Variants in MICU1 observed in about 807,000 individuals in gnomAD.
MICU1 encodes the protein mitochondrial calcium uptake 1, also known as calcium uptake protein 1, mitochondrial.
MICU1 carries 45 observed loss-of-function variants against 56.8 expected under a neutral mutation model. The ratio of observed to expected loss-of-function variants is 0.79; its 90% CI spans 0.62 to 1.02. The LOEUF (loss-of-function observed/expected upper bound fraction) is 1.02. MICU1 is among the 50% of genes least tolerant of loss of function. The pLI, the probability that MICU1 is intolerant of heterozygous loss-of-function variation, is 0.00. For missense variants in MICU1, 504 were observed against 587.1 expected (o/e 0.86, Z 1.46); for synonymous variants, 186 against 195.1 (o/e 0.95, Z 0.39).
intron 8 of MICU1, among the ~76,000 whole-genome samples, chr10:72,432,260 T>A (rs755287401): frequency 6.6e-6 from 1 of 151,914 alleles, no homozygotes; most frequent in Non-Finnish European, 1.5e-5. Context: ...TGCCCAGCTA[T>A]GTTTCTAAAA....
At chr10:72,590,281 T>C (rs1841185117) in intron 1 of MICU1, among the ~76,000 whole-genome samples, 1 of 152,004 alleles carries the variant, frequency 6.6e-6, no homozygotes, top group Non-Finnish European at 1.5e-5. Context: ...CAAATAGACT[T>C]TAAATCAAAA....
At chr10:72,562,063 G>C (rs1432011946) in intron 3 of MICU1, among the ~76,000 whole-genome samples, 1 of 150,228 alleles carries the variant, frequency 6.7e-6, no homozygotes, top group East Asian at 1.9e-4. Flanking sequence ...TCAAATACCT[G>C]ATATCATAGG....
chr10:72,421,019 T>A (rs11000294), intron 9 of MICU1, among the ~76,000 whole-genome samples: 9,668 of 117,270 alleles, frequency 0.082, 382 homozygotes, highest in East Asian at 0.14. Context: ...AAAAAAAAAA[T>A]AATAATAATA....
intron 10 of MICU1, among the ~76,000 whole-genome samples, chr10:72,396,968 C>G (rs1267760375): frequency 6.6e-6 from 1 of 152,020 alleles, no homozygotes; most frequent in Non-Finnish European, 1.5e-5. Flanking sequence ...AGAGGGACCC[C>G]AAGACACAGT....
intron 8 of MICU1, among the ~76,000 whole-genome samples, chr10:72,458,438 C>A (rs1185137658): frequency 1.3e-5 from 2 of 152,074 alleles, no homozygotes; most frequent in Non-Finnish European, 2.9e-5. Flanking sequence ...TCAATATAAT[C>A]CAGCACAATG....
At chr10:72,513,697 T>C (rs1232999619) in intron 5 of MICU1, among the ~76,000 whole-genome samples, 1 of 152,180 alleles carries the variant, frequency 6.6e-6, no homozygotes, top group African/African-American at 2.4e-5. Context: ...TTTAGGTTAT[T>C]GATCCATTTT....
At chr10:72,502,066 C>A (rs1867085885) in intron 6 of MICU1, among the ~76,000 whole-genome samples, 1 of 151,930 alleles carries the variant, frequency 6.6e-6, no homozygotes. Flanking sequence ...AAGTTTCAAT[C>A]CATTAGAGCA....
intron 1 of MICU1, among the ~76,000 whole-genome samples, chr10:72,572,176 G>A (rs1230038338): frequency 6.6e-6 from 1 of 152,128 alleles, no homozygotes; most frequent in African/African-American, 2.4e-5. Context: ...TTGCGTAGGT[G>A]AGCTTAGGGT....
chr10:72,456,331 T>A (rs1048860485), intron 8 of MICU1, among the ~76,000 whole-genome samples: 5 of 152,250 alleles, frequency 3.3e-5, no homozygotes, highest in Admixed American at 1.3e-4. Context: ...TCTTGTGTAA[T>A]CCCCTTCCAC....
intron 3 of MICU1, among the ~76,000 whole-genome samples, chr10:72,551,806 T>A (rs1840042255): frequency 6.6e-6 from 1 of 152,192 alleles, no homozygotes; most frequent in African/African-American, 2.4e-5. Context: ...TTAAAAATTA[T>A]CTTTATTTTT....
intron 10 of MICU1, among the ~76,000 whole-genome samples, chr10:72,403,737 C>G (rs1248933391): frequency 6.6e-6 from 1 of 150,780 alleles, no homozygotes; most frequent in Non-Finnish European, 1.5e-5. Context: ...CTCACTGCAA[C>G]CTCTGCCTCC....
intron 6 of MICU1, among the ~76,000 whole-genome samples, chr10:72,500,282 A>ATATATT (rs1554881692): frequency 1.4e-4 from 2 of 14,076 alleles, no homozygotes; most frequent in African/African-American, 2.6e-4. Flanking sequence ...ATATATATAT[A>ATATATT]TATATATATA....
rs138942911 is a variant in MICU1 at position 72,448,823 on chromosome 10, T to C, written c.934-25452A>G. ...CATGAAGTCCTTTAATGATAACAAT[T>C]GTAAAAAACAGCCAGGGAGAAAATT... On this transcript the variant is annotated intron_variant, in intron 8 of 11. Transcript: ENST00000361114. Among the ~76,000 whole-genome samples the C allele has an allele frequency of 4.3e-4, 66 of 152,320 alleles. 1 individual carries two copies. In the East Asian group the frequency reaches 0.012, roughly 28 times the overall value.
At chr10:72,544,541 A>G (rs1440000805) in intron 4 of MICU1, among the ~76,000 whole-genome samples, 1 of 152,216 alleles carries the variant, frequency 6.6e-6, no homozygotes, top group Non-Finnish European at 1.5e-5. Context: ...GCAATAGGCT[A>G]TGCTTTGCTC....
At chr10:72,429,116 C>T (rs922668588) in intron 8 of MICU1, among the ~76,000 whole-genome samples, 1 of 152,072 alleles carries the variant, frequency 6.6e-6, no homozygotes, top group East Asian at 1.9e-4. Context: ...GAGTTTGAGG[C>T]CCAGTTAACA....
chr10:72,435,294 G>A (rs552764803), intron 8 of MICU1, among the ~76,000 whole-genome samples: 6 of 148,906 alleles, frequency 4.0e-5, no homozygotes, highest in Admixed American at 3.4e-4. Flanking sequence ...AGGCTGAAGT[G>A]AGAGGATCAC....
rs568910041 is a variant in MICU1, at chr10:72,441,619, T to C, written c.934-18248A>G. Reference sequence around the variant, plus strand: ...ATTCACTTATTTTTAATTTTTCTTTTTTTTTTTTTTTTTTTGAGGCAGAAC... The same window carrying C: ...ATTCACTTATTTTTAATTTTTCTTTCTTTTTTTTTTTTTTTGAGGCAGAAC... On this transcript the variant is annotated intron_variant, in intron 8 of 11. Transcript: ENST00000361114. Among the ~76,000 whole-genome samples, 411 of 137,310 alleles carry C rather than the reference T, an allele frequency of 3.0e-3. 2 individuals are homozygous for C. Among genetic ancestry groups the C allele is most frequent in the African/African-American group, 9.2e-3 (353 of 38,426 alleles). 90.1% of individuals were successfully genotyped at this position (137,310 alleles called of 152,430 possible).
At chr10:72,405,929 A>G (rs1863614693) in intron 10 of MICU1, among the ~76,000 whole-genome samples, 1 of 152,172 alleles carries the variant, frequency 6.6e-6, no homozygotes, top group Admixed American at 6.5e-5. Flanking sequence ...AAGTTCAGAA[A>G]GAAGCCAAGG....
At chr10:72,605,335 A>G (rs1344865345) in intron 1 of MICU1, among the ~76,000 whole-genome samples, 2 of 152,248 alleles carry the variant, frequency 1.3e-5, no homozygotes, top group Non-Finnish European at 2.9e-5. Flanking sequence ...TTTCCCACCC[A>G]GTTCCCTAGA....
Sources: allele counts gnomAD v4.1 joint callset (sites outside exome capture counted in the v4.1 genomes callset), GRCh38; gene constraint gnomAD v4.1.1; transcripts MANE v1.5; gene names NCBI Gene and HGNC (gene_info 2026-07-23, HGNC 2026-07-21).